Variants in PCM1 observed in about 807,000 individuals in gnomAD.
PCM1 encodes the protein pericentriolar material 1 protein.
PCM1 carries 157 observed loss-of-function variants against 241.9 expected under a neutral mutation model. The ratio of observed to expected loss-of-function variants is 0.65; its 90% CI spans 0.57 to 0.74. The LOEUF is 0.74. Among genes scored for constraint, PCM1 ranks in the 30% least tolerant of loss-of-function variants. The pLI is 0.00. For synonymous variants in PCM1, 1,085 were observed against 784.9 expected, an observed-to-expected ratio of 1.38 and a Z score of -6.39; for missense variants, 3,478 against 2,360.1, an observed-to-expected ratio of 1.47 and a Z score of -9.81.
chr8:17,993,631 T>C lies in PCM1; in HGVS notation c.4827+12T>C, dbSNP rs969700220. The C allele has an allele frequency of 2.6e-6, 4 of 1,562,090 alleles. No homozygotes were observed. Among genetic ancestry groups the C allele is most frequent in the African/African-American group, 2.7e-5 (2 of 73,218 alleles). On this transcript the variant is annotated intron_variant, in intron 29 of 38. Coordinates refer to ENST00000325083, the MANE Select transcript of PCM1 (RefSeq NM_006197.4). ...TTCCTTTTTTGAAGGTAAGCAATTATTTTAAAAAATAAACGAAACCTTCTA... is the reference window on the plus strand; with the variant it reads ...TTCCTTTTTTGAAGGTAAGCAATTACTTTAAAAAATAAACGAAACCTTCTA...
At chr8:17,976,422 C>T (rs760101750) in intron 23 of PCM1, among the ~76,000 whole-genome samples, 2 of 152,188 alleles carry the variant, frequency 1.3e-5, no homozygotes, top group Non-Finnish European at 2.9e-5. Context: ...AGAAAGGTCT[C>T]ATGTTTCATT....
chr8:18,027,676 G>T lies in PCM1; in HGVS notation c.*14G>T. 6.3e-7 allele frequency: 1 copy of T among 1,575,252 alleles called. No homozygotes were observed. Among genetic ancestry groups the T allele is most frequent in the Non-Finnish European group, 8.7e-7 (1 of 1,150,700 alleles). On this transcript the variant is annotated 3_prime_UTR_variant, in exon 39 of 39. Transcript: ENST00000325083. The stretch of plus-strand genomic sequence containing the variant: ...CAGAGTATATGAGATGTCTTCAGAG[G>T]CTCATCTAACTCTGTCCTTACATAC...
At chr8:17,959,260 ATATAAT>A (rs1431549736) in intron 13 of PCM1, among the ~76,000 whole-genome samples, 2 of 152,156 alleles carry the variant, frequency 1.3e-5, no homozygotes, top group Admixed American at 6.5e-5. Context: ...GTATAGTTCT[ATATAAT>A]TATAAGTAAT....
chr8:17,923,285 G>C (rs968636164), intron 1 of PCM1, 97 bp downstream of exon 1: 2 of 152,440 alleles, frequency 1.3e-5, no homozygotes, highest in East Asian at 3.9e-4. Flanking sequence ...TGTTGGGTCT[G>C]GCCACGGGCC....
chr8:17,937,273 C>T lies in PCM1; in HGVS notation c.236C>T (p.Thr79Ile). 6.2e-7 allele frequency: 1 copy of T among 1,610,846 alleles called. No individual in the cohort carries two copies. The highest frequency in any genetic ancestry group is 2.2e-5 in the East Asian group (1 of 44,840). Residue 79 changes from threonine (T) to isoleucine (I), a missense_variant, in exon 4 of 39, where the codon ACT becomes ATT. Coordinates refer to ENST00000325083, the MANE Select transcript of PCM1 (RefSeq NM_006197.4). ...GGAGTTGGAAGGCGAAGAACAAAGA[C>T]TCCACATACGTTCCCACACAGTAGA... is the stretch of plus-strand genomic sequence containing the variant. ...SPGVGRRRTK[T>I]PHTFPHSRYM... is the part of the protein sequence containing the mutation.
chr8:17,944,180 T>A (rs1489677033), intron 6 of PCM1, among the ~76,000 whole-genome samples: 1 of 152,192 alleles, frequency 6.6e-6, no homozygotes, highest in African/African-American at 2.4e-5. Flanking sequence ...CGTGTGAGAT[T>A]GCCCTGTCTT....
At chr8:17,993,710 A>G in intron 29 of PCM1, 91 bp downstream of exon 29, 7 of 1,066,028 alleles carry the variant, frequency 6.6e-6, no homozygotes, top group Non-Finnish European at 7.9e-6. Context: ...GTTCAACGGT[A>G]TAGGTAAACA....
intron 6 of PCM1, among the ~76,000 whole-genome samples, chr8:17,940,802 C>G (rs1339852842): frequency 6.6e-6 from 1 of 152,128 alleles, no homozygotes. Flanking sequence ...ATTTCTAAAA[C>G]TTAGTGTGGT....
intron 23 of PCM1, 109 bp downstream of exon 23, chr8:17,972,796 C>G (rs547085034): frequency 7.4e-5 from 38 of 514,196 alleles, no homozygotes; most frequent in South Asian, 2.8e-4. Flanking sequence ...AGGTGCTGTT[C>G]TAGACTTAGT....
chr8:18,029,416 C>A lies in PCM1; in HGVS notation c.*1754C>A, dbSNP rs765079015. 8 of 217,580 alleles carry A rather than the reference C, an allele frequency of 3.7e-5. No individual in the cohort carries two copies. The highest frequency in any genetic ancestry group is 7.4e-5 in the Non-Finnish European group (8 of 108,322). 13.5% of individuals were successfully genotyped at this position (217,580 alleles called of 1,614,324 possible). A position where few individuals can be genotyped will look rare whatever the true frequency, so the allele number is the denominator to read the frequency against. On this transcript the variant is annotated 3_prime_UTR_variant, in exon 39 of 39. Transcript: ENST00000325083. ...GTTATGTTACATGCACACTCAAATT[C>A]TTTATTTTCTCCACTTTAAGCAGGA...
Position 17,966,984 on chromosome 8 carries a change from A to C in PCM1, c.3226A>C (p.Lys1076Gln). 1 of 1,600,698 alleles carries C rather than the reference A, an allele frequency of 6.2e-7. No individual in the cohort carries two copies. ...TWQQNNVQRL[K>Q]QMLNELMRQQ... ...TACTGACTTAAATCTTTGTAGGTTG[A>C]AACAAATGCTAAATGAACTTATGCG... Residue 1076 changes from lysine (K) to glutamine (Q), a missense_variant, in exon 21 of 39, where the codon AAA becomes CAA. By Grantham distance (53) the Lys-to-Gln change is moderately conservative. Transcript: ENST00000325083.
chr8:17,995,821 T>C (rs2086503140), intron 29 of PCM1, among the ~76,000 whole-genome samples: 1 of 152,142 alleles, frequency 6.6e-6, no homozygotes, highest in African/African-American at 2.4e-5. Context: ...TTTGTGTCTG[T>C]TGTAAATGAG....
At chr8:17,933,178 G>A (rs528661590) in intron 2 of PCM1, among the ~76,000 whole-genome samples, 2 of 152,302 alleles carry the variant, frequency 1.3e-5, no homozygotes, top group Admixed American at 6.5e-5. Flanking sequence ...TTAGCATGGT[G>A]TTTGGCATGT....
At chr8:17,991,748 G>A in intron 28 of PCM1, 48 bp downstream of exon 28, 2 of 1,381,430 alleles carry the variant, frequency 1.4e-6, no homozygotes, top group Non-Finnish European at 2.0e-6. Flanking sequence ...GGTGGTGTTT[G>A]GTTACATGAA....
rs750399703 is a variant in PCM1 at position 18,010,649 on chromosome 8, A to G, written c.5201A>G (p.Glu1734Gly). The G allele has an allele frequency of 1.9e-6, 3 of 1,602,860 alleles. No homozygotes were observed. The Admixed American group carries it at 5.1e-5, about 27-fold the overall frequency. Reference sequence around the variant, plus strand: ...GAAGATCATGGCTCACCTGCTGGAGAGATTGATGATGAAGACAAAGTATGT... The same window carrying G: ...GAAGATCATGGCTCACCTGCTGGAGGGATTGATGATGAAGACAAAGTATGT... ...ILEDHGSPAG[E>G]IDDEDKDKDE... Residue 1734 changes from glutamate to glycine, a missense_variant, in exon 32 of 39, where the codon GAG becomes GGG. Glu to Gly is a moderately conservative substitution (Grantham distance 98). Coordinates refer to ENST00000325083, the MANE Select transcript of PCM1 (RefSeq NM_006197.4).
Position 17,969,587 on chromosome 8 carries a change from C to T in PCM1, c.3423C>T (p.Phe1141=). 6.2e-7 allele frequency: 1 copy of T among 1,602,176 alleles called. No homozygotes were observed. The highest frequency in any genetic ancestry group is 8.5e-7 in the Non-Finnish European group (1 of 1,173,936). ...GCTTTTACTGATTAGGTATGAATTT[C>T]AGCCCTTTATTTCCTTCTAATTTTG... ...NFSSFAPGMN[F]SPLFPSNFGD... is the part of the protein sequence containing the mutation. The change falls in exon 22 of 39, where the codon TTC becomes TTT. Residue 1141 remains phenylalanine (F), a synonymous_variant. Coordinates refer to ENST00000325083, the MANE Select transcript of PCM1 (RefSeq NM_006197.4).
chr8:17,952,840 A>G (rs1054771383), intron 8 of PCM1, 130 bp from the exon 9 acceptor site: 18 of 619,508 alleles, frequency 2.9e-5, no homozygotes, highest in African/African-American at 5.5e-5. Flanking sequence ...AAGGGTATAT[A>G]CTTACCTACC....
chr8:17,955,745 T>A, intron 10 of PCM1, 92 bp downstream of exon 10: 1 of 943,460 alleles, frequency 1.1e-6, no homozygotes, highest in Non-Finnish European at 1.7e-6. Context: ...CAAAACGAGA[T>A]TTATTTAATA....
chr8:18,023,743 C>T (rs1319554900), intron 36 of PCM1, among the ~76,000 whole-genome samples: 2 of 152,184 alleles, frequency 1.3e-5, no homozygotes, highest in Non-Finnish European at 2.9e-5. Context: ...TGTTTTCTTC[C>T]TTTGTGCTTT....
Sources: gnomAD v4.1 joint callset for allele counts (sites outside exome capture counted in the v4.1 genomes callset) on GRCh38, gnomAD v4.1.1 for gene constraint, MANE v1.5 for transcripts, NCBI Gene and HGNC (gene_info 2026-07-23, HGNC 2026-07-21) for gene names.